FOXO3: variants seen among roughly 807,000 people sequenced by gnomAD.
FOXO3 encodes the protein forkhead box protein O3.
In FOXO3, 4 loss-of-function variants were observed where a neutral mutation model predicts 41.9. That is an observed-to-expected ratio of 0.10 (90% CI 0.05 to 0.22). The LOEUF (loss-of-function observed/expected upper bound fraction) is 0.22, where lower values mean the gene tolerates loss of function less well. Among genes scored for constraint, FOXO3 ranks in the 10% least tolerant of loss-of-function variants. The pLI is 1.00. For synonymous variants in FOXO3, 318 were observed against 389.3 expected (o/e 0.82, Z 2.16); for missense variants, 534 against 906.8 (o/e 0.59, Z 5.28).
chr6:108,582,109 C>T (rs567259584), intron 1 of FOXO3, among the ~76,000 whole-genome samples: 3 of 152,280 alleles, frequency 2.0e-5, no homozygotes, highest in Admixed American at 6.5e-5. Flanking sequence ...ATAGGGACAA[C>T]GTATTTTTCC....
At chr6:108,661,959 T>C (rs139659751) in intron 1 of FOXO3, among the ~76,000 whole-genome samples, 3,839 of 152,314 alleles carry the variant, frequency 0.025, 63 homozygotes, top group Non-Finnish European at 0.036. Context: ...GTTAACATCT[T>C]ACAGTATGTG....
At position 108,561,087 on chromosome 6, in the gene FOXO3, C is replaced by A; in HGVS notation, c.-122C>A. The A allele has an allele frequency of 7.1e-7, 1 of 1,412,538 alleles. No homozygotes were observed. The highest frequency in any genetic ancestry group is 9.2e-7 in the Non-Finnish European group (1 of 1,092,580). The allele number at this position is 1,412,538 out of a possible 1,614,324, so 87.5% of individuals were successfully genotyped here. ...CTCTCTTCTTTGGTGCTTCCCCAGGCGGCGGCGGCGGCGCCCGGGAGCCGG... is the reference window on the plus strand; with the variant it reads ...CTCTCTTCTTTGGTGCTTCCCCAGGAGGCGGCGGCGGCGCCCGGGAGCCGG... On this transcript the variant is annotated 5_prime_UTR_variant, in exon 1 of 3. Coordinates refer to ENST00000406360, the MANE Select transcript of FOXO3 (RefSeq NM_001455.4).
At chr6:108,669,685 A>G (rs1367906038) in intron 2 of FOXO3, among the ~76,000 whole-genome samples, 1 of 152,186 alleles carries the variant, frequency 6.6e-6, no homozygotes, top group African/African-American at 2.4e-5. Flanking sequence ...ATATGGCCAT[A>G]AAAAGGGGTT....
At chr6:108,562,504 T>A (rs554557180) in intron 1 of FOXO3, among the ~76,000 whole-genome samples, 36 of 152,306 alleles carry the variant, frequency 2.4e-4, no homozygotes, top group Admixed American at 3.3e-4. Flanking sequence ...TGAAATGTTC[T>A]GGGGCCTCGA....
chr6:108,601,933 A>G (rs534887713), intron 1 of FOXO3, among the ~76,000 whole-genome samples: 2 of 152,242 alleles, frequency 1.3e-5, no homozygotes, highest in African/African-American at 2.4e-5. Flanking sequence ...GCTATTTTGA[A>G]TAAAGCCTTG....
chr6:108,656,178 A>C (rs934782160), intron 1 of FOXO3, among the ~76,000 whole-genome samples: 7 of 152,140 alleles, frequency 4.6e-5, no homozygotes, highest in African/African-American at 1.7e-4. Flanking sequence ...TAAAGAAAAA[A>C]AAAAAGCAGG....
At chr6:108,565,641 G>C (rs905391435) in intron 1 of FOXO3, among the ~76,000 whole-genome samples, 1 of 147,372 alleles carries the variant, frequency 6.8e-6, no homozygotes, top group African/African-American at 2.7e-5. Context: ...TAAGATTTCT[G>C]CTGCTGCTGC....
At chr6:108,640,500 A>G (rs1001036636) in intron 1 of FOXO3, among the ~76,000 whole-genome samples, 2 of 152,248 alleles carry the variant, frequency 1.3e-5, no homozygotes, top group African/African-American at 2.4e-5. Context: ...AAAGATCTAC[A>G]TCATCATTGA....
At chr6:108,589,810 C>A in intron 1 of FOXO3, among the ~76,000 whole-genome samples, 1 of 152,176 alleles carries the variant, frequency 6.6e-6, no homozygotes, top group East Asian at 1.9e-4. Context: ...ATAGAGCCTT[C>A]CAATTGTAAG....
intron 1 of FOXO3, among the ~76,000 whole-genome samples, chr6:108,594,330 G>A (rs374090325): frequency 6.6e-6 from 1 of 152,214 alleles, no homozygotes; most frequent in Non-Finnish European, 1.5e-5. Context: ...TTTAGGGAGA[G>A]TTGTAGAATA....
At position 108,659,207 on chromosome 6, in the gene FOXO3, A is replaced by T. The variant is rs139593906; in HGVS notation, c.622-4248A>T. On this transcript the variant is annotated intron_variant, in intron 1 of 2. Coordinates refer to ENST00000406360, the MANE Select transcript of FOXO3 (RefSeq NM_001455.4). ...GCTCAGACTTTGTTTTTAAAATCTT[A>T]AAAAAAAATTTTTTTTTAGGAAGGG... Among the ~76,000 whole-genome samples the T allele has an allele frequency of 1.8e-3, 276 of 151,898 alleles. 3 individuals are homozygous for T. Among genetic ancestry groups the T allele is most frequent in the African/African-American group, 6.3e-3 (261 of 41,318 alleles).
chr6:108,635,342 G>A (rs1318656968), intron 1 of FOXO3, among the ~76,000 whole-genome samples: 4 of 152,068 alleles, frequency 2.6e-5, no homozygotes, highest in Non-Finnish European at 5.9e-5. Context: ...GATAGTGGTC[G>A]TGGTTGCTTC....
At chr6:108,603,986 C>A (rs1215018367) in intron 1 of FOXO3, among the ~76,000 whole-genome samples, 1 of 151,792 alleles carries the variant, frequency 6.6e-6, no homozygotes, top group Non-Finnish European at 1.5e-5. Context: ...TATGAAATTG[C>A]CTAGGAATGG....
chr6:108,617,786 G>A (rs900734460), intron 1 of FOXO3, among the ~76,000 whole-genome samples: 2 of 151,758 alleles, frequency 1.3e-5, no homozygotes, highest in African/African-American at 2.4e-5. Context: ...AAAACATACC[G>A]TTGGCTGTTA....
At position 108,560,997 on chromosome 6, in the gene FOXO3, G is replaced by A. The variant is rs1477933696; in HGVS notation, c.-212G>A. On this transcript the variant is annotated 5_prime_UTR_variant, in exon 1 of 3. Transcript: ENST00000406360. Reference sequence around the variant, plus strand: ...GGAGGCGGGCGCGGCAGGACTGGGAGGTGGCGGCAGCGGGCGAGGACTCGC... The same window carrying A: ...GGAGGCGGGCGCGGCAGGACTGGGAAGTGGCGGCAGCGGGCGAGGACTCGC... The A allele has an allele frequency of 4.4e-6, 6 of 1,365,710 alleles. No individual in the cohort carries two copies. The highest frequency in any genetic ancestry group is 1.8e-5 in the South Asian group (1 of 55,922). 84.6% of individuals were successfully genotyped at this position (1,365,710 alleles called of 1,614,324 possible).
chr6:108,577,776 G>A (rs1234633193), intron 1 of FOXO3, among the ~76,000 whole-genome samples: 6 of 152,304 alleles, frequency 3.9e-5, no homozygotes, highest in Admixed American at 3.9e-4. Flanking sequence ...CTCCTCCATA[G>A]GAAGCTCCAC....
chr6:108,682,142 G>A lies in FOXO3; in HGVS notation c.*2350G>A, dbSNP rs1254455927. 1.3e-5 allele frequency: 2 copies of A among 152,610 alleles called. No individual in the cohort carries two copies. The highest frequency in any genetic ancestry group is 2.9e-5 in the Non-Finnish European group (2 of 68,038). The allele number at this position is 152,610 out of a possible 1,614,324, so 9.5% of individuals were successfully genotyped here. A position where few individuals can be genotyped will look rare whatever the true frequency, so the allele number is the denominator to read the frequency against. ...TTTACAGACCCTGGGAGCTGCTTTG[G>A]GAGTGAGAAAGGCAACCCTCCAATG... is the stretch of plus-strand genomic sequence containing the variant. On this transcript the variant is annotated 3_prime_UTR_variant, in exon 3 of 3. Coordinates refer to ENST00000406360, the MANE Select transcript of FOXO3 (RefSeq NM_001455.4).
At chr6:108,567,641 G>A (rs769847176) in intron 1 of FOXO3, among the ~76,000 whole-genome samples, 25 of 152,214 alleles carry the variant, frequency 1.6e-4, no homozygotes, top group Non-Finnish European at 3.1e-4. Context: ...TCAGTGCAGT[G>A]GTTCATGCCT....
chr6:108,560,911 G>T (rs988204954), upstream of FOXO3: 43 of 1,212,198 alleles, frequency 3.5e-5, no homozygotes, highest in East Asian at 8.0e-4. Context: ...GGCCTGGCCG[G>T]GGGGCGGTGT....
Sources: gnomAD v4.1 joint callset for allele counts (sites outside exome capture counted in the v4.1 genomes callset) on GRCh38, gnomAD v4.1.1 for gene constraint, MANE v1.5 for transcripts, NCBI Gene and HGNC (gene_info 2026-07-23, HGNC 2026-07-21) for gene names.